MAPKAPK3: variants seen among roughly 807,000 people sequenced by gnomAD.
The protein encoded by MAPKAPK3 is MAP kinase-activated protein kinase 3.
Under a neutral mutation model 49.2 loss-of-function variants are expected in MAPKAPK3, and 35 were observed. The ratio of observed to expected loss-of-function variants is 0.71; its 90% confidence interval spans 0.54 to 0.94. The LOEUF is 0.94. MAPKAPK3 is among the 40% of genes least tolerant of loss of function. The pLI is 0.00. For missense variants in MAPKAPK3, 398 were observed against 493.1 expected (o/e 0.81, Z 1.83); for synonymous variants, 178 against 188.7 (o/e 0.94, Z 0.46).
upstream of MAPKAPK3, chr3:50,617,067 G>A (rs1483617949): frequency 2.0e-5 from 3 of 146,794 alleles, no homozygotes; most frequent in Non-Finnish European, 1.5e-5. Context: ...TTGGGATGAC[G>A]CGCAGGGAGC....
chr3:50,638,495 G>A (rs574597427), intron 2 of MAPKAPK3, among the ~76,000 whole-genome samples: 106 of 152,310 alleles, frequency 7.0e-4, no homozygotes, highest in African/African-American at 2.4e-3. Flanking sequence ...AGGCAGGAGT[G>A]TCTGCCCACA....
chr3:50,638,526 C>T (rs1256961544), intron 2 of MAPKAPK3, among the ~76,000 whole-genome samples: 1 of 152,210 alleles, frequency 6.6e-6, no homozygotes, highest in African/African-American at 2.4e-5. Flanking sequence ...CGCACACCCC[C>T]AGCCTGCTCT....
rs1391053347 is a variant in MAPKAPK3 at position 50,617,677 on chromosome 3, G to T, written c.112G>T (p.Ala38Ser). 7 of 1,612,934 alleles carry T rather than the reference G, an allele frequency of 4.3e-6. No individual in the cohort carries two copies. Among genetic ancestry groups the T allele is most frequent in the Non-Finnish European group, 5.1e-6 (6 of 1,179,500 alleles). The change falls in exon 2 of 11, where the codon GCA becomes TCA. Residue 38 changes from alanine (A) to serine (S), a missense_variant. Ala to Ser is a moderately conservative substitution (Grantham distance 99). Around this residue, in one of 5 missense-constraint regions of MAPKAPK3, gnomAD observed 123 missense variants for 117.7 expected, o/e 1.04. Transcript: ENST00000621469. Reference protein sequence around the residue: ...PGGRREPKKYAVTDDYQLSKQ... With the variant: ...PGGRREPKKYSVTDDYQLSKQ... ...GGGGCGGCGGGAGCCCAAGAAGTAC[G>T]CAGTGACCGACGACTACCAGTTGTC... is the stretch of plus-strand genomic sequence containing the variant.
chr3:50,611,593 T>C, upstream of MAPKAPK3: 1 of 1,522,274 alleles, frequency 6.6e-7, no homozygotes, highest in Non-Finnish European at 8.8e-7. Context: ...CGTGCGCCCC[T>C]CGTGGTGGCC....
chr3:50,622,117 G>A (rs546327862), intron 2 of MAPKAPK3, among the ~76,000 whole-genome samples: 16 of 152,310 alleles, frequency 1.1e-4, no homozygotes, highest in Non-Finnish European at 2.2e-4. Flanking sequence ...GTTGGCTTCC[G>A]TGAGCCAGGC....
intron 2 of MAPKAPK3, among the ~76,000 whole-genome samples, chr3:50,619,241 A>C (rs780400865): frequency 6.6e-6 from 1 of 152,222 alleles, no homozygotes; most frequent in Non-Finnish European, 1.5e-5. Flanking sequence ...AAGGTCTTAA[A>C]GCATCTGAGC....
intron 2 of MAPKAPK3, among the ~76,000 whole-genome samples, chr3:50,633,762 G>A (rs2032970243): frequency 6.6e-6 from 1 of 152,196 alleles, no homozygotes; most frequent in African/African-American, 2.4e-5. Context: ...TGCCTCACAG[G>A]GTGGCACCAA....
chr3:50,618,227 G>A (rs1220212376), intron 2 of MAPKAPK3, among the ~76,000 whole-genome samples: 1 of 152,302 alleles, frequency 6.6e-6, no homozygotes, highest in East Asian at 1.9e-4. Context: ...CTTCCCTGTG[G>A]CCCCTGCCTG....
At chr3:50,628,116 C>T (rs149525535) in intron 2 of MAPKAPK3, among the ~76,000 whole-genome samples, 5 of 152,292 alleles carry the variant, frequency 3.3e-5, no homozygotes, top group African/African-American at 1.2e-4. Context: ...ATCACTGTGA[C>T]ATCTCCTCCA....
intron 2 of MAPKAPK3, among the ~76,000 whole-genome samples, chr3:50,625,330 C>T (rs1469073772): frequency 6.6e-6 from 1 of 152,164 alleles, no homozygotes; most frequent in Non-Finnish European, 1.5e-5. Flanking sequence ...CGCCCTGCAC[C>T]TGGGGAACCC....
At chr3:50,613,275 G>C (rs1399668737), upstream of MAPKAPK3, among the ~76,000 whole-genome samples, 1 of 152,200 alleles carries the variant, frequency 6.6e-6, no homozygotes, top group Non-Finnish European at 1.5e-5. Flanking sequence ...GCTCTGCCCA[G>C]AATGGCAGAG....
intron 2 of MAPKAPK3, among the ~76,000 whole-genome samples, chr3:50,633,028 AG>A (rs1485990249): frequency 2.6e-5 from 4 of 152,150 alleles, no homozygotes; most frequent in Non-Finnish European, 5.9e-5. Flanking sequence ...TCGATCTCTA[AG>A]AAGACAGACA....
chr3:50,649,145 C>T lies in MAPKAPK3; in HGVS notation c.*1099C>T, dbSNP rs1225992489. Reference sequence around the variant, plus strand: ...ATGGTAGCCTTAGGGTGCTGAGTGCCTGATACTGCCTGACAAGTGCCTGAC... The same window carrying T: ...ATGGTAGCCTTAGGGTGCTGAGTGCTTGATACTGCCTGACAAGTGCCTGAC... On this transcript the variant is annotated 3_prime_UTR_variant, in exon 11 of 11. Transcript: ENST00000621469. 18 of 152,460 alleles carry T rather than the reference C, an allele frequency of 1.2e-4. 1 individual carries two copies. The East Asian group carries it at 3.3e-3, about 28-fold the overall frequency. 9.4% of individuals were successfully genotyped at this position (152,460 alleles called of 1,614,324 possible).
intron 2 of MAPKAPK3, among the ~76,000 whole-genome samples, chr3:50,632,462 G>A (rs1158778382): frequency 5.3e-5 from 8 of 152,234 alleles, no homozygotes; most frequent in Non-Finnish European, 1.2e-4. Context: ...ATTATAAAAT[G>A]TCTGAAATAC....
In MAPKAPK3 at chr3:50,645,638, C is replaced by T. The variant is rs555246282; in HGVS notation, c.629-72C>T. ...CCAGGTACCTGCTCCCCACCTTGCC[C>T]AGGCTTTAGGCTCCTGCCTGGGCTC... On this transcript the variant is annotated intron_variant, in intron 6 of 10. Transcript: ENST00000621469. 618 of 1,299,084 alleles carry T rather than the reference C, an allele frequency of 4.8e-4. 2 individuals carry two copies. Among genetic ancestry groups the T allele is most frequent in the Non-Finnish European group, 6.3e-4 (567 of 899,246 alleles). The allele number at this position is 1,299,084 out of a possible 1,614,324, so 80.5% of individuals were successfully genotyped here.
upstream of MAPKAPK3, chr3:50,613,810 GGA>G (rs1383836176): frequency 6.6e-6 from 1 of 152,222 alleles, no homozygotes; most frequent in Non-Finnish European, 1.5e-5. Flanking sequence ...ACTGAGGCAT[GGA>G]GAGGTTACAA....
chr3:50,629,702 C>G (rs867052807), intron 2 of MAPKAPK3, among the ~76,000 whole-genome samples: 1 of 152,196 alleles, frequency 6.6e-6, no homozygotes, highest in Admixed American at 6.5e-5. Context: ...TCCCACTGTT[C>G]TTCCCTCTTC....
intron 6 of MAPKAPK3, 58 bp downstream of exon 6, chr3:50,644,590 G>C: frequency 6.3e-7 from 1 of 1,574,992 alleles, no homozygotes; most frequent in South Asian, 1.1e-5. Context: ...GCTGTATTAT[G>C]GGGTAGCCAG....
intron 2 of MAPKAPK3, among the ~76,000 whole-genome samples, chr3:50,625,071 A>G (rs1291609635): frequency 6.6e-6 from 1 of 152,138 alleles, no homozygotes; most frequent in African/African-American, 2.4e-5. Flanking sequence ...ATTCTCCCCA[A>G]GTGACTTTGG....
Sources: gnomAD v4.1 joint callset for allele counts (sites outside exome capture counted in the v4.1 genomes callset) on GRCh38, gnomAD v4.1.1 for gene constraint, gnomAD v4.1.1 regional missense constraint, MANE v1.5 for transcripts, NCBI Gene and HGNC (gene_info 2026-07-23, HGNC 2026-07-21) for gene names.